The following PPM1L variants were observed in gnomAD, a reference collection of about 807,000 sequenced individuals.
PPM1L encodes protein phosphatase 1L.
A neutral mutation model predicts 31.4 loss-of-function variants in PPM1L; 13 were observed. That is an observed-to-expected ratio of 0.41 (90% CI 0.27 to 0.66). PPM1L has a LOEUF of 0.66. Among genes scored for constraint, PPM1L ranks in the 30% least tolerant of loss-of-function variants. The probability of loss-of-function intolerance (pLI) is 0.29; values close to 1 mark genes in which losing one functional copy is unlikely to be tolerated. For missense variants in PPM1L, 326 were observed against 453.7 expected, an observed-to-expected ratio of 0.72 and a Z score of 2.56; for synonymous variants, 184 against 175.4, an observed-to-expected ratio of 1.05 and a Z score of -0.39.
chr3:160,831,690 G>T (rs559555675), intron 1 of PPM1L, among the ~76,000 whole-genome samples: 6 of 152,286 alleles, frequency 3.9e-5, no homozygotes, highest in African/African-American at 1.4e-4. Context: ...AAGGCTGTTT[G>T]TGAGGAGTTC....
intron 1 of PPM1L, among the ~76,000 whole-genome samples, chr3:160,917,096 C>G (rs1183397406): frequency 6.6e-6 from 1 of 152,148 alleles, no homozygotes; most frequent in African/African-American, 2.4e-5. Context: ...TTGAATGCTA[C>G]TTATACTATT....
intron 1 of PPM1L, among the ~76,000 whole-genome samples, chr3:160,871,364 A>T (rs544290210): frequency 7.1e-6 from 1 of 139,890 alleles, no homozygotes; most frequent in Non-Finnish European, 1.6e-5. Flanking sequence ...GTGATACATT[A>T]TCAAAAAGGT....
chr3:160,806,745 A>AAAAG (rs200449392), intron 1 of PPM1L, among the ~76,000 whole-genome samples: 236 of 151,622 alleles, frequency 1.6e-3, no homozygotes, highest in East Asian at 3.5e-3. Flanking sequence ...TGGTCTCTGA[A>AAAAG]AAAGAAAGAA....
chr3:160,865,756 CAG>C (rs762167156), intron 1 of PPM1L, among the ~76,000 whole-genome samples: 2 of 152,214 alleles, frequency 1.3e-5, no homozygotes, highest in African/African-American at 2.4e-5. Flanking sequence ...ACCAGGACGA[CAG>C]AGTGAGACTC....
At chr3:160,991,007 G>A (rs562024743) in intron 2 of PPM1L, among the ~76,000 whole-genome samples, 20 of 151,618 alleles carry the variant, frequency 1.3e-4, no homozygotes, top group Admixed American at 4.6e-4. Context: ...GCTTCCCTGG[G>A]CCACATTGGA....
intron 1 of PPM1L, among the ~76,000 whole-genome samples, chr3:160,851,928 T>G (rs1443226000): frequency 1.3e-5 from 2 of 152,216 alleles, no homozygotes; most frequent in Non-Finnish European, 2.9e-5. Context: ...AGTTCATTGT[T>G]TTTGACGTCC....
intron 1 of PPM1L, among the ~76,000 whole-genome samples, chr3:160,856,268 C>G (rs1576673031): frequency 1.3e-5 from 2 of 152,024 alleles, no homozygotes; most frequent in African/African-American, 4.8e-5. Flanking sequence ...TACTTTATAT[C>G]CTTCAGTCCA....
At chr3:160,948,640 C>T (rs1354106723) in intron 1 of PPM1L, among the ~76,000 whole-genome samples, 1 of 152,128 alleles carries the variant, frequency 6.6e-6, no homozygotes, top group Non-Finnish European at 1.5e-5. Context: ...TAGAAGTACA[C>T]AAGGTCAGTT....
chr3:160,921,602 T>G (rs1405842994), intron 1 of PPM1L, among the ~76,000 whole-genome samples: 2 of 152,146 alleles, frequency 1.3e-5, no homozygotes, highest in East Asian at 3.8e-4. Context: ...TTAAATTATC[T>G]TATTTAAAAT....
At chr3:160,876,147 T>C (rs1214303812) in intron 1 of PPM1L, among the ~76,000 whole-genome samples, 2 of 152,230 alleles carry the variant, frequency 1.3e-5, no homozygotes, top group African/African-American at 4.8e-5. Flanking sequence ...AGGTTGTACA[T>C]AAACGATTCA....
chr3:161,050,255 T>C (rs1719229064), intron 2 of PPM1L, among the ~76,000 whole-genome samples: 1 of 152,154 alleles, frequency 6.6e-6, no homozygotes, highest in East Asian at 1.9e-4. Flanking sequence ...GACAGGTTGA[T>C]CCAGTGAGGA....
intron 2 of PPM1L, among the ~76,000 whole-genome samples, chr3:160,972,022 C>T (rs889350292): frequency 4.6e-5 from 7 of 152,144 alleles, no homozygotes; most frequent in African/African-American, 1.4e-4. Context: ...CCCACCTTGG[C>T]CTGTTAAAGT....
At chr3:160,781,569 C>T (rs1163146186) in intron 1 of PPM1L, among the ~76,000 whole-genome samples, 2 of 152,134 alleles carry the variant, frequency 1.3e-5, no homozygotes, top group African/African-American at 2.4e-5. Context: ...GCTCAGGGCA[C>T]ATGAAAGAAA....
intron 1 of PPM1L, among the ~76,000 whole-genome samples, chr3:160,784,262 T>C (rs1711834937): frequency 6.6e-6 from 1 of 152,220 alleles, no homozygotes; most frequent in African/African-American, 2.4e-5. Context: ...CCATTTAAAA[T>C]GGTTTAATAC....
At chr3:161,016,096 G>A (rs368035559) in intron 2 of PPM1L, among the ~76,000 whole-genome samples, 13 of 152,164 alleles carry the variant, frequency 8.5e-5, no homozygotes, top group African/African-American at 2.6e-4. Flanking sequence ...GAGACACTTC[G>A]GAATTAGTTA....
intron 1 of PPM1L, among the ~76,000 whole-genome samples, chr3:160,950,372 A>G (rs1468096585): frequency 6.6e-6 from 1 of 152,138 alleles, no homozygotes; most frequent in Non-Finnish European, 1.5e-5. Flanking sequence ...CGATTTGGGG[A>G]TGGGGATCCT....
chr3:160,891,381 A>G (rs937532029), intron 1 of PPM1L, among the ~76,000 whole-genome samples: 3 of 152,230 alleles, frequency 2.0e-5, no homozygotes, highest in Non-Finnish European at 4.4e-5. Context: ...CATGCAGCCA[A>G]CAACTATGAA....
rs1478001319 is a variant in PPM1L at position 161,069,127 on chromosome 3, C to T, written c.1053C>T (p.Phe351=). ...PDNITVMVVK[F]RNSSKTEEQ ...ATATAACAGTCATGGTGGTGAAGTT[C>T]AGAAATAGCAGCAAAACAGAAGAGC... Residue 351 remains phenylalanine (F), a synonymous_variant, in exon 4 of 4, where the codon TTC becomes TTT. Coordinates refer to ENST00000498165, the MANE Select transcript of PPM1L (RefSeq NM_139245.4). 6.8e-6 allele frequency: 11 copies of T among 1,613,770 alleles called. No homozygotes were observed. In the Middle Eastern group the frequency reaches 5.0e-4, roughly 73 times the overall value.
chr3:160,974,107 T>A (rs1716464690), intron 2 of PPM1L, among the ~76,000 whole-genome samples: 1 of 141,372 alleles, frequency 7.1e-6, no homozygotes, highest in African/African-American at 2.6e-5. Flanking sequence ...CACCTATGAG[T>A]GAGAATATGC....
Sources: allele counts gnomAD v4.1 joint callset (sites outside exome capture counted in the v4.1 genomes callset), GRCh38; gene constraint gnomAD v4.1.1; transcripts MANE v1.5; gene names NCBI Gene and HGNC (gene_info 2026-07-23, HGNC 2026-07-21).